The following SLC25A21 variants were observed in gnomAD, a reference collection of about 807,000 sequenced individuals.
SLC25A21 encodes the protein solute carrier family 25 member 21.
In SLC25A21, 47 loss-of-function variants were observed where a neutral mutation model predicts 43.8. The ratio of observed to expected loss-of-function variants is 1.07; its 90% CI spans 0.85 to 1.37. SLC25A21 has a LOEUF of 1.37. Among genes scored for constraint, SLC25A21 ranks in the 40% most tolerant of loss-of-function variants. SLC25A21 has a pLI of 0.00. For synonymous variants in SLC25A21, 131 were observed against 121.3 expected, an observed-to-expected ratio of 1.08 and a Z score of -0.52; for missense variants, 352 against 350.2, an observed-to-expected ratio of 1.00 and a Z score of -0.04.
chr14:36,679,851 C>CTT lies in SLC25A21; in HGVS notation c.*805_*806dup. The CTT allele has an allele frequency of 1.0e-6, 1 of 984,136 alleles. No homozygotes were observed. The highest frequency in any genetic ancestry group is 1.2e-6 in the Non-Finnish European group (1 of 828,796). 61.0% of individuals were successfully genotyped at this position (984,136 alleles called of 1,614,324 possible). ...ACATGACAATATCTCATCAACAAAA[C>CTT]TTATCTTCAAAGAGAACTATGTGGA... On this transcript the variant is annotated 3_prime_UTR_variant, in exon 10 of 10. Coordinates refer to ENST00000331299, the MANE Select transcript of SLC25A21 (RefSeq NM_030631.4).
At chr14:37,066,541 T>A (rs1962064440) in intron 1 of SLC25A21, among the ~76,000 whole-genome samples, 1 of 152,072 alleles carries the variant, frequency 6.6e-6, no homozygotes, top group Non-Finnish European at 1.5e-5. Context: ...GCAAAAAGTA[T>A]TTACATTCAT....
intron 1 of SLC25A21, among the ~76,000 whole-genome samples, chr14:36,930,248 A>G (rs1230894644): frequency 6.6e-6 from 1 of 152,206 alleles, no homozygotes; most frequent in African/African-American, 2.4e-5. Context: ...TGGCTAGCTA[A>G]AGAATATCAC....
chr14:36,881,656 C>T (rs867430762), intron 1 of SLC25A21, among the ~76,000 whole-genome samples: 12 of 152,238 alleles, frequency 7.9e-5, no homozygotes, highest in East Asian at 5.8e-4. Flanking sequence ...ACTACATAGA[C>T]GGACTGATTG....
intron 6 of SLC25A21, among the ~76,000 whole-genome samples, chr14:36,716,683 G>A (rs899937899): frequency 1.3e-5 from 2 of 152,146 alleles, no homozygotes; most frequent in African/African-American, 4.8e-5. Flanking sequence ...ACCTGTGGCA[G>A]CCCCAACTAT....
chr14:37,033,065 A>G (rs953166925), intron 1 of SLC25A21, among the ~76,000 whole-genome samples: 1 of 152,228 alleles, frequency 6.6e-6, no homozygotes, highest in African/African-American at 2.4e-5. Flanking sequence ...GTTGTGCAAT[A>G]TATCTACAGA....
chr14:36,939,422 T>C (rs1892503221), intron 1 of SLC25A21, among the ~76,000 whole-genome samples: 2 of 151,856 alleles, frequency 1.3e-5, no homozygotes, highest in South Asian at 4.2e-4. Context: ...TAAGACAGCA[T>C]TTTTTTTGTT....
At chr14:36,974,694 C>T (rs1959829068) in intron 1 of SLC25A21, among the ~76,000 whole-genome samples, 1 of 152,090 alleles carries the variant, frequency 6.6e-6, no homozygotes, top group Non-Finnish European at 1.5e-5. Flanking sequence ...AAGTATAAAC[C>T]TGGAAATTTT....
chr14:36,975,367 T>C (rs992342772), intron 1 of SLC25A21, among the ~76,000 whole-genome samples: 3 of 152,232 alleles, frequency 2.0e-5, no homozygotes, highest in African/African-American at 7.2e-5. Context: ...CCCAATAACT[T>C]ATGGAAAGAT....
chr14:36,700,632 C>T (rs1052538884), intron 7 of SLC25A21, among the ~76,000 whole-genome samples: 6 of 151,988 alleles, frequency 3.9e-5, no homozygotes, highest in African/African-American at 1.4e-4. Context: ...TGGAGACAGG[C>T]AACAGGCTCT....
rs771651084 is a variant in SLC25A21, at chr14:36,678,709, A to C, written c.*1949T>G. ...GCAAATAATGTTATTTTCTTTATCTAAATTAAGAAATCTCTTGTTATTGTG... is the reference window on the plus strand; with the variant it reads ...GCAAATAATGTTATTTTCTTTATCTCAATTAAGAAATCTCTTGTTATTGTG... On this transcript the variant is annotated 3_prime_UTR_variant, in exon 10 of 10. Coordinates refer to ENST00000331299, the MANE Select transcript of SLC25A21 (RefSeq NM_030631.4). The C allele has an allele frequency of 9.3e-5, 113 of 1,220,734 alleles. No homozygotes were observed. Among genetic ancestry groups the C allele is most frequent in the Non-Finnish European group, 1.1e-4 (111 of 977,124 alleles). 75.6% of individuals were successfully genotyped at this position (1,220,734 alleles called of 1,614,324 possible). A position where few individuals can be genotyped will look rare whatever the true frequency, so the allele number is the denominator to read the frequency against.
chr14:36,814,029 T>TATATATTACAGA, intron 2 of SLC25A21, 28 bp from the exon 3 acceptor site: 1 of 1,537,938 alleles, frequency 6.5e-7, no homozygotes, highest in Non-Finnish European at 8.9e-7. Context: ...CCAAAAATTC[T>TATATATTACAGA]AAGTTAAAGA....
Position 36,725,738 on chromosome 14 carries a change from T to A in SLC25A21, c.331-61A>T, listed in dbSNP as rs1884579004. 20 of 1,064,264 alleles carry A rather than the reference T, an allele frequency of 1.9e-5. 1 individual carries two copies. In the South Asian group the frequency reaches 3.1e-4, roughly 16 times the overall value. The allele number at this position is 1,064,264 out of a possible 1,614,324, so 65.9% of individuals were successfully genotyped here. On this transcript the variant is annotated intron_variant, in intron 5 of 9. Coordinates refer to ENST00000331299, the MANE Select transcript of SLC25A21 (RefSeq NM_030631.4). ...GTTATCATGTGTATGGGGTTAAACA[T>A]CCTATTCATTACACTATGCAGCTGA...
chr14:36,710,769 GATA>G (rs1328956348), intron 7 of SLC25A21, among the ~76,000 whole-genome samples: 1 of 152,066 alleles, frequency 6.6e-6, no homozygotes, highest in African/African-American at 2.4e-5. Context: ...TGAAGATGAT[GATA>G]ATAATTATCA....
chr14:36,960,040 A>G (rs7153981), intron 1 of SLC25A21, among the ~76,000 whole-genome samples: 2,693 of 152,280 alleles, frequency 0.018, 78 homozygotes, highest in African/African-American at 0.061. Context: ...ATAAAATGAG[A>G]TGAGGTGGGC....
At chr14:36,818,326 G>T (rs938619314) in intron 2 of SLC25A21, among the ~76,000 whole-genome samples, 3 of 152,196 alleles carry the variant, frequency 2.0e-5, no homozygotes, top group Non-Finnish European at 4.4e-5. Flanking sequence ...GGCAGTCCAT[G>T]AAATCCTTGA....
chr14:36,844,256 C>G (rs1889474680), intron 2 of SLC25A21, among the ~76,000 whole-genome samples: 1 of 152,198 alleles, frequency 6.6e-6, no homozygotes, highest in Non-Finnish European at 1.5e-5. Flanking sequence ...ACTGTAAGAA[C>G]ACATCCTACC....
chr14:36,971,792 A>G lies in SLC25A21; in HGVS notation c.71-96788T>C, dbSNP rs183256506. Among the ~76,000 whole-genome samples, 4 of 152,292 alleles carry G rather than the reference A, an allele frequency of 2.6e-5. No individual in the cohort carries two copies. The East Asian group carries it at 7.7e-4, about 29-fold the overall frequency. ...TGCCGCTTCATATGCCCATTAATGTAGAAGTGGTAATAGGCTTCTGAGAGA... is the reference window on the plus strand; with the variant it reads ...TGCCGCTTCATATGCCCATTAATGTGGAAGTGGTAATAGGCTTCTGAGAGA... On this transcript the variant is annotated intron_variant, in intron 1 of 9. Coordinates refer to ENST00000331299, the MANE Select transcript of SLC25A21 (RefSeq NM_030631.4).
intron 2 of SLC25A21, among the ~76,000 whole-genome samples, chr14:36,826,415 A>T (rs1319568818): frequency 6.6e-6 from 1 of 151,918 alleles, no homozygotes; most frequent in African/African-American, 2.4e-5. Flanking sequence ...TCTTTTTCCT[A>T]TGCAGTGAGG....
chr14:36,942,424 G>A (rs911089149), intron 1 of SLC25A21, among the ~76,000 whole-genome samples: 16 of 152,114 alleles, frequency 1.1e-4, no homozygotes, highest in Non-Finnish European at 2.2e-4. Context: ...GGCGGACGGC[G>A]GTAGGACAGT....
Sources: gnomAD v4.1 joint callset for allele counts (sites outside exome capture counted in the v4.1 genomes callset) on GRCh38, gnomAD v4.1.1 for gene constraint, MANE v1.5 for transcripts, NCBI Gene and HGNC (gene_info 2026-07-23, HGNC 2026-07-21) for gene names.